GPHN: variants seen among roughly 807,000 people sequenced by gnomAD.
The protein encoded by GPHN is gephyrin.
In GPHN, 17 loss-of-function variants were observed where a neutral mutation model predicts 95.5. The ratio of observed to expected loss-of-function variants is 0.18; its 90% CI spans 0.12 to 0.27. GPHN has a LOEUF of 0.27. GPHN is among the 10% of genes least tolerant of loss of function. The pLI is 1.00. For synonymous variants in GPHN, 320 were observed against 322.5 expected (o/e 0.99, Z 0.08); for missense variants, 660 against 978.1 (o/e 0.67, Z 4.34).
At chr14:67,534,623 C>T in the GPHN span, among the ~76,000 whole-genome samples, 1 of 152,098 alleles carries the variant, frequency 6.6e-6, no homozygotes, top group African/African-American at 2.4e-5. Flanking sequence ...ACCACCTTCC[C>T]ATAGACTGCT....
the GPHN span, among the ~76,000 whole-genome samples, chr14:67,531,287 AAAC>A: frequency 6.6e-6 from 1 of 152,144 alleles, no homozygotes; most frequent in Non-Finnish European, 1.5e-5. Flanking sequence ...TCTTAAAAGA[AAAC>A]AACAACAACA....
chr14:67,058,947 G>A (rs1468284408), intron 11 of GPHN, 161 bp downstream of exon 11: 2 of 711,128 alleles, frequency 2.8e-6, no homozygotes, highest in Non-Finnish European at 4.8e-6. Flanking sequence ...ATAAGAAAAA[G>A]GCTAAGGGTT....
At chr14:67,474,003 T>C in the GPHN span, 1 of 1,462,348 alleles carries the variant, frequency 6.8e-7, no homozygotes, top group Non-Finnish European at 9.0e-7. Flanking sequence ...CTATAATCCC[T>C]GCGCTTTGGG....
chr14:67,047,291 A>G (rs1288142660), intron 10 of GPHN, among the ~76,000 whole-genome samples: 2 of 147,586 alleles, frequency 1.4e-5, no homozygotes, highest in Non-Finnish European at 3.0e-5. Flanking sequence ...CTCTCCTATG[A>G]TCAAAGGCAT....
At chr14:67,714,031 C>T in the GPHN span, among the ~76,000 whole-genome samples, 4 of 152,184 alleles carry the variant, frequency 2.6e-5, no homozygotes, top group Admixed American at 6.5e-5. Flanking sequence ...CTTGAATTTT[C>T]CCTTTAGCTT....
At chr14:67,639,359 G>A in the GPHN span, among the ~76,000 whole-genome samples, 4 of 152,104 alleles carry the variant, frequency 2.6e-5, no homozygotes, top group Admixed American at 2.6e-4. Flanking sequence ...GAATGAAAGT[G>A]CTTGGCAAAT....
intron 10 of GPHN, among the ~76,000 whole-genome samples, chr14:67,041,649 G>C (rs961418938): frequency 6.6e-6 from 1 of 152,092 alleles, no homozygotes; most frequent in East Asian, 1.9e-4. Context: ...CCAAGTCTTT[G>C]CTATTGTGAA....
At chr14:67,075,211 A>G (rs2076450820) in intron 11 of GPHN, among the ~76,000 whole-genome samples, 2 of 152,232 alleles carry the variant, frequency 1.3e-5, no homozygotes, top group African/African-American at 4.8e-5. Flanking sequence ...TTTAAGAATT[A>G]TGCTAAATCT....
intron 9 of GPHN, among the ~76,000 whole-genome samples, chr14:66,987,101 T>G (rs2071080216): frequency 6.6e-6 from 1 of 152,130 alleles, no homozygotes; most frequent in Non-Finnish European, 1.5e-5. Context: ...TTTCAAAAAC[T>G]AGGCAATTTA....
chr14:66,545,268 C>T (rs1347483120), intron 1 of GPHN, among the ~76,000 whole-genome samples: 31 of 138,946 alleles, frequency 2.2e-4, no homozygotes, highest in Non-Finnish European at 4.1e-4. Context: ...CTCCTCACTT[C>T]CCAGTAGGGG....
intron 1 of GPHN, among the ~76,000 whole-genome samples, chr14:66,528,809 TG>T (rs1211605798): frequency 3.9e-5 from 6 of 152,236 alleles, no homozygotes; most frequent in African/African-American, 1.4e-4. Flanking sequence ...TCTTCTGGCT[TG>T]TATGATTTCT....
chr14:67,147,615 C>T (rs2080976446), intron 18 of GPHN, among the ~76,000 whole-genome samples: 1 of 152,134 alleles, frequency 6.6e-6, no homozygotes, highest in Non-Finnish European at 1.5e-5. Context: ...TAGTTGACTG[C>T]AGCCTTGAAT....
chr14:67,634,263 A>G, the GPHN span, among the ~76,000 whole-genome samples: 1 of 152,108 alleles, frequency 6.6e-6, no homozygotes, highest in Non-Finnish European at 1.5e-5. Flanking sequence ...CTCAAAGGAT[A>G]ACTGCCATAT....
intron 2 of GPHN, among the ~76,000 whole-genome samples, chr14:66,749,352 A>G (rs541951972): frequency 6.6e-6 from 1 of 152,096 alleles, no homozygotes; most frequent in African/African-American, 2.4e-5. Context: ...TCCTTTGAGT[A>G]AATACCATGG....
At chr14:67,561,486 C>T in the GPHN span, among the ~76,000 whole-genome samples, 1 of 151,432 alleles carries the variant, frequency 6.6e-6, no homozygotes, top group South Asian at 2.1e-4. Context: ...ATGGTTTGAG[C>T]CCTGGTGGCA....
At chr14:67,079,171 T>C (rs17103896) in intron 11 of GPHN, among the ~76,000 whole-genome samples, 8,264 of 152,156 alleles carry the variant, frequency 0.054, 236 homozygotes, top group Middle Eastern at 0.068. Flanking sequence ...ATATGCTTCT[T>C]TAAAACAACT....
chr14:67,570,064 C>A, the GPHN span: 1 of 1,219,798 alleles, frequency 8.2e-7, no homozygotes, highest in Non-Finnish European at 1.2e-6. Context: ...AGGCCCCTGG[C>A]CTCATCATCC....
At chr14:67,404,969 C>T in the GPHN span, among the ~76,000 whole-genome samples, 2 of 151,862 alleles carry the variant, frequency 1.3e-5, no homozygotes, top group East Asian at 3.9e-4. Flanking sequence ...TGCGGTGGCT[C>T]ACACCTGTAA....
intron 17 of GPHN, among the ~76,000 whole-genome samples, chr14:67,130,054 A>C (rs746500930): frequency 6.6e-6 from 1 of 152,048 alleles, no homozygotes. Flanking sequence ...TTGATTGCAC[A>C]GTGCCTTTCT....
Sources: gnomAD v4.1 joint callset for allele counts (sites outside exome capture counted in the v4.1 genomes callset) on GRCh38, gnomAD v4.1.1 for gene constraint, MANE v1.5 for transcripts, NCBI Gene and HGNC (gene_info 2026-07-23, HGNC 2026-07-21) for gene names.